Variants in MYBL2 observed in about 807,000 individuals in gnomAD.
MYBL2 encodes the protein myb-related protein B.
Under a neutral mutation model 79.9 loss-of-function variants are expected in MYBL2, and 28 were observed. The ratio of observed to expected loss-of-function variants is 0.35; its 90% CI spans 0.26 to 0.48. The LOEUF (loss-of-function observed/expected upper bound fraction) is 0.48. Among genes scored for constraint, MYBL2 ranks in the 20% least tolerant of loss-of-function variants. MYBL2 has a pLI of 0.99. For synonymous variants in MYBL2, 378 were observed against 361.2 expected, an observed-to-expected ratio of 1.05 and a Z score of -0.53; for missense variants, 735 against 893.9, an observed-to-expected ratio of 0.82 and a Z score of 2.27.
chr20:43,693,011 T>C (rs73276048), intron 6 of MYBL2, among the ~76,000 whole-genome samples: 1,956 of 152,272 alleles, frequency 0.013, 48 homozygotes, highest in African/African-American at 0.045. Context: ...AAATTAACAA[T>C]TAAAATCCTA....
rs1045577482 is a variant in MYBL2, at chr20:43,716,399, AG to A, written c.*314del. The A allele has an allele frequency of 3.8e-5, 15 of 397,912 alleles. No individual in the cohort carries two copies. The highest frequency in any genetic ancestry group is 3.2e-4 in the African/African-American group (15 of 47,218). The allele number at this position is 397,912 out of a possible 1,614,324, so 24.6% of individuals were successfully genotyped here. A position where few individuals can be genotyped will look rare whatever the true frequency, so the allele number is the denominator to read the frequency against. On this transcript the variant is annotated 3_prime_UTR_variant, in exon 14 of 14. Transcript: ENST00000217026. The stretch of plus-strand genomic sequence containing the variant: ...CCTGGCCTCATCTCAGACCCTGCTT[AG>A]GATGGGGGATGTGGCCAGGGGTGCT...
Position 43,716,105 on chromosome 20 carries a change from G to A in MYBL2, c.*18G>A, listed in dbSNP as rs77080280. On this transcript the variant is annotated 3_prime_UTR_variant, in exon 14 of 14. Transcript: ENST00000217026. ...TGTCCTGAGGTGTTGAGGGTGTCACGAGCCCATTCTCATGTTTACAGGGGT... is the reference window on the plus strand; with the variant it reads ...TGTCCTGAGGTGTTGAGGGTGTCACAAGCCCATTCTCATGTTTACAGGGGT... The A allele has an allele frequency of 4.3e-3, 6,949 of 1,602,978 alleles. 259 individuals carry two copies. In the African/African-American group the frequency reaches 0.079, roughly 18 times the overall value.
In MYBL2 at chr20:43,699,841, A is replaced by G. The variant is rs758794739; in HGVS notation, c.748A>G (p.Thr250Ala). The change falls in exon 7 of 14, where the codon ACA becomes GCA. Residue 250 changes from threonine (T) to alanine (A), a missense_variant. Physicochemically the swap from Thr to Ala is moderately conservative, Grantham distance 58 (BLOSUM62 0). Coordinates refer to ENST00000217026, the MANE Select transcript of MYBL2 (RefSeq NM_002466.4). ...NSEEELAAATTSKEQEPIGTD... is the reference protein window; with the variant it reads ...NSEEELAAATASKEQEPIGTD... ...TGAGGAGGAACTTGCAGCAGCCACC[A>G]CATCGAAGGAACAGGAGCCCATCGG... The G allele has an allele frequency of 6.2e-7, 1 of 1,614,178 alleles. No homozygotes were observed. Among genetic ancestry groups the G allele is most frequent in the South Asian group, 1.1e-5 (1 of 91,086 alleles).
intron 1 of MYBL2, 185 bp from the exon 2 acceptor site, chr20:43,673,619 CAG>C (rs1271010835): frequency 2.9e-6 from 2 of 681,600 alleles, no homozygotes; most frequent in East Asian, 5.7e-5. Flanking sequence ...AGCCCAGTGA[CAG>C]AGTGAGACCC....
At chr20:43,687,737 C>T (rs1024231504) in intron 5 of MYBL2, among the ~76,000 whole-genome samples, 1 of 152,032 alleles carries the variant, frequency 6.6e-6, no homozygotes, top group Non-Finnish European at 1.5e-5. Flanking sequence ...TGTTTATGGA[C>T]GGGCATGGTG....
intron 8 of MYBL2, among the ~76,000 whole-genome samples, chr20:43,703,865 A>T (rs1402716569): frequency 6.6e-6 from 1 of 152,106 alleles, no homozygotes; most frequent in African/African-American, 2.4e-5. Context: ...GTTTCTACTG[A>T]GGCCTCTCTC....
At chr20:43,695,948 G>A (rs1987530419) in intron 6 of MYBL2, among the ~76,000 whole-genome samples, 1 of 152,124 alleles carries the variant, frequency 6.6e-6, no homozygotes, top group Non-Finnish European at 1.5e-5. Context: ...AACTGGCGTG[G>A]CGGAGGTTGC....
intron 4 of MYBL2, among the ~76,000 whole-genome samples, chr20:43,685,147 CA>C (rs112163259): frequency 0.018 from 2,375 of 129,688 alleles, 28 homozygotes; most frequent in African/African-American, 0.038. Context: ...AACTCTGTCT[CA>C]AAAAAAAAAA....
rs551963195 is a variant in MYBL2 at position 43,667,188 on chromosome 20, G to A, written c.-96G>A. 2,979 of 884,998 alleles carry A rather than the reference G, an allele frequency of 3.4e-3. 6 individuals carry two copies. The highest frequency in any genetic ancestry group is 3.9e-3 in the Non-Finnish European group (2,690 of 695,210). 54.8% of individuals were successfully genotyped at this position (884,998 alleles called of 1,614,324 possible). On this transcript the variant is annotated 5_prime_UTR_variant, in exon 1 of 14. Transcript: ENST00000217026. ...GCCTTCGAGCGCGGCCCGGGGCCCG[G>A]AGCGGCCGGAGCAGCCCGGGTCCTG... is the stretch of plus-strand genomic sequence containing the variant.
Position 43,716,013 on chromosome 20 carries a change from A to T in MYBL2, c.2029A>T (p.Met677Leu). 1.2e-6 allele frequency: 2 copies of T among 1,612,230 alleles called. No individual in the cohort carries two copies. Among genetic ancestry groups the T allele is most frequent in the South Asian group, 1.1e-5 (1 of 91,030 alleles). The change falls in exon 14 of 14, where the codon ATG becomes TTG. Residue 677 changes from methionine (M) to leucine (L), a missense_variant. Transcript: ENST00000217026. ...CGGGGGGACCAGGGACCAGCTTTTC[A>T]TGCAGGAGAAAGCCCGGCAGCTCCT... ...ACGGTRDQLF[M>L]QEKARQLLGR...
rs1423334186 is a variant in MYBL2, at chr20:43,713,106, G to C, written c.1824G>C (p.Leu608Phe). The C allele has an allele frequency of 3.7e-6, 6 of 1,610,300 alleles. No homozygotes were observed. The highest frequency in any genetic ancestry group is 1.1e-5 in the South Asian group (1 of 90,186). Residue 608 changes from leucine to phenylalanine, a missense_variant and splice_region_variant, in exon 12 of 14, where the codon TTG becomes TTC. Leu to Phe is a conservative substitution (Grantham distance 22, BLOSUM62 0). Transcript: ENST00000217026. ...CCACACTGCCCAAGTCTCTATCCTTGGTAAGGCTTCTGCTCCTTGGAACTG... is the reference window on the plus strand; with the variant it reads ...CCACACTGCCCAAGTCTCTATCCTTCGTAAGGCTTCTGCTCCTTGGAACTG... ...MMSTLPKSLSLPTTAPSNSSS... is the reference protein window; with the variant it reads ...MMSTLPKSLSFPTTAPSNSSS...
At chr20:43,687,224 C>T in intron 5 of MYBL2, 152 bp downstream of exon 5, 1 of 772,568 alleles carries the variant, frequency 1.3e-6, no homozygotes, top group East Asian at 2.7e-5. Context: ...CATGCATAGT[C>T]AGGAGGAAGG....
At chr20:43,707,902 CTG>C (rs748161355) in intron 9 of MYBL2, among the ~76,000 whole-genome samples, 3 of 152,198 alleles carry the variant, frequency 2.0e-5, no homozygotes, top group Non-Finnish European at 2.9e-5. Context: ...GGATTGGTCT[CTG>C]TGTCTTTTTC....
intron 11 of MYBL2, 63 bp from the exon 12 acceptor site, chr20:43,712,939 C>A: frequency 7.7e-7 from 1 of 1,298,118 alleles, no homozygotes; most frequent in South Asian, 1.3e-5. Context: ...CATGACCATC[C>A]AGGTGCTGAC....
At chr20:43,692,124 T>C (rs1987426359) in intron 5 of MYBL2, 33 bp from the exon 6 acceptor site, 2 of 1,607,530 alleles carry the variant, frequency 1.2e-6, no homozygotes, top group Admixed American at 3.3e-5. Context: ...CCCACAGAGC[T>C]GGGGTTCAAA....
intron 1 of MYBL2, among the ~76,000 whole-genome samples, chr20:43,670,799 C>T (rs905853324): frequency 6.6e-6 from 1 of 152,130 alleles, no homozygotes; most frequent in Non-Finnish European, 1.5e-5. Context: ...ACAAGACTTG[C>T]CTTGTTTGGA....
chr20:43,688,127 T>G (rs1987323766), intron 5 of MYBL2, among the ~76,000 whole-genome samples: 1 of 152,138 alleles, frequency 6.6e-6, no homozygotes, highest in South Asian at 2.1e-4. Context: ...CTTCTCTTTT[T>G]TTGAAATTAT....
At chr20:43,712,977 C>T (rs1377049895) in intron 11 of MYBL2, 25 bp from the exon 12 acceptor site, 13 of 1,573,054 alleles carry the variant, frequency 8.3e-6, no homozygotes, top group Non-Finnish European at 7.8e-6. Flanking sequence ...CTCACCCTAA[C>T]CCCCTTCTAT....
chr20:43,710,799 A>G (rs1987887868), intron 10 of MYBL2, among the ~76,000 whole-genome samples: 1 of 152,202 alleles, frequency 6.6e-6, no homozygotes, highest in African/African-American at 2.4e-5. Flanking sequence ...GGACCATGCT[A>G]CATGAGCCGA....
Sources: gnomAD v4.1 joint callset for allele counts (sites outside exome capture counted in the v4.1 genomes callset) on GRCh38, gnomAD v4.1.1 for gene constraint, MANE v1.5 for transcripts, NCBI Gene and HGNC (gene_info 2026-07-23, HGNC 2026-07-21) for gene names.